SPINK5: variants seen among roughly 807,000 people sequenced by gnomAD.
SPINK5 encodes serine protease inhibitor Kazal-type 5.
Under a neutral mutation model 151.8 loss-of-function variants are expected in SPINK5, and 125 were observed. That is an observed-to-expected ratio of 0.82 (90% CI 0.71 to 0.96). The LOEUF (loss-of-function observed/expected upper bound fraction) is 0.96, where lower values mean the gene tolerates loss of function less well. Among genes scored for constraint, SPINK5 ranks in the 40% least tolerant of loss-of-function variants. The probability of loss-of-function intolerance (pLI) is 0.00; values close to 1 mark genes in which losing one functional copy is unlikely to be tolerated. For synonymous variants in SPINK5, 374 were observed against 395.3 expected (o/e 0.95, Z 0.64); for missense variants, 1,194 against 1,291.9 (o/e 0.92, Z 1.16).
chr5:148,104,853 G>T, intron 15 of SPINK5, 99 bp from the exon 16 acceptor site: 1 of 1,110,298 alleles, frequency 9.0e-7, no homozygotes, highest in Non-Finnish European at 1.3e-6. Context: ...CCGAGATCGC[G>T]CCACTGCACT....
intron 7 of SPINK5, chr5:148,090,920 C>G (rs2113074652): frequency 3.8e-6 from 2 of 520,452 alleles, no homozygotes; most frequent in Middle Eastern, 5.2e-4. Context: ...CCCTTTCTTA[C>G]TATAGGCAAG....
chr5:148,118,504 C>T lies in SPINK5; in HGVS notation c.2180C>T (p.Pro727Leu). ...GRLSCTRESD[P>L]VRDADGKSYN... ...CTCAGCTGTACTCGGGAGAGTGATC[C>T]TGTACGTGATGCTGATGGCAAATCG... Residue 727 changes from proline to leucine, a missense_variant, in exon 23 of 33, where the codon CCT becomes CTT. Physicochemically the swap from Pro to Leu is moderately conservative, Grantham distance 98 (BLOSUM62 -3). Coordinates refer to ENST00000256084, the MANE Select transcript of SPINK5 (RefSeq NM_006846.4). The T allele has an allele frequency of 6.2e-7, 1 of 1,614,110 alleles. No individual in the cohort carries two copies. Among genetic ancestry groups the T allele is most frequent in the African/African-American group, 1.3e-5 (1 of 75,034 alleles).
intron 30 of SPINK5, among the ~76,000 whole-genome samples, chr5:148,127,791 G>A (rs75649366): frequency 0.031 from 4,683 of 152,200 alleles, 230 homozygotes; most frequent in African/African-American, 0.1. Flanking sequence ...CCAGGTGGTC[G>A]AGGCTACCAT....
chr5:148,090,242 C>G (rs1753273852), intron 7 of SPINK5, among the ~76,000 whole-genome samples: 1 of 151,806 alleles, frequency 6.6e-6, no homozygotes, highest in African/African-American at 2.4e-5. Context: ...TGCCAGCAAA[C>G]CTTAAATTGC....
At chr5:148,098,950 T>G (rs1753554106) in intron 11 of SPINK5, among the ~76,000 whole-genome samples, 1 of 152,100 alleles carries the variant, frequency 6.6e-6, no homozygotes, top group Non-Finnish European at 1.5e-5. Context: ...TGAACATTGA[T>G]CATGCTCCTT....
chr5:148,098,054 A>G, intron 11 of SPINK5, 60 bp downstream of exon 11: 1 of 1,522,612 alleles, frequency 6.6e-7, no homozygotes, highest in Non-Finnish European at 9.1e-7. Flanking sequence ...ATTTAATAGA[A>G]ACAGCTTCTT....
chr5:148,090,255 T>C (rs1171080999), intron 7 of SPINK5, among the ~76,000 whole-genome samples: 2 of 151,890 alleles, frequency 1.3e-5, no homozygotes, highest in African/African-American at 4.8e-5. Flanking sequence ...TAAATTGCTA[T>C]ATTTACATCA....
chr5:148,133,858 G>T lies in SPINK5; in HGVS notation c.3157G>T (p.Gly1053Ter). 1 of 1,614,016 alleles carries T rather than the reference G, an allele frequency of 6.2e-7. No individual in the cohort carries two copies. The highest frequency in any genetic ancestry group is 8.5e-7 in the Non-Finnish European group (1 of 1,179,932). The change falls in exon 32 of 33, where the codon GGA becomes TGA. Residue 1053 changes from glycine to a stop codon, truncating the protein, a stop_gained. Coordinates refer to ENST00000256084, the MANE Select transcript of SPINK5 (RefSeq NM_006846.4). LOFTEE classifies it low-confidence loss of function (END_TRUNC). The part of the protein sequence containing the change: ...TGKCEESSTP[G>*]TTAASMPPSD... ...GAAGTGTGAGGAGAGCAGCACCCCA[G>T]GAACCACCGCAGCCAGCATGCCCCC...
intron 6 of SPINK5, chr5:148,089,284 G>A (rs1230291252): frequency 3.0e-6 from 2 of 657,732 alleles, no homozygotes; most frequent in Admixed American, 4.2e-5. Flanking sequence ...TAGGTTATCT[G>A]TTTACTAAAT....
intron 4 of SPINK5, among the ~76,000 whole-genome samples, chr5:148,076,723 T>C (rs1011206000): frequency 6.6e-6 from 1 of 151,532 alleles, no homozygotes; most frequent in Non-Finnish European, 1.5e-5. Context: ...GAAAGTATAA[T>C]AACAATGAAT....
At chr5:148,087,888 T>C (rs1227678760) in intron 5 of SPINK5, among the ~76,000 whole-genome samples, 3 of 151,780 alleles carry the variant, frequency 2.0e-5, no homozygotes, top group Non-Finnish European at 4.4e-5. Flanking sequence ...CTGATATCCT[T>C]TGAAATAACT....
chr5:148,134,771 TAAAC>T (rs1346642395), intron 32 of SPINK5, among the ~76,000 whole-genome samples: 1 of 152,076 alleles, frequency 6.6e-6, no homozygotes, highest in East Asian at 1.9e-4. Context: ...TTATGTGTAA[TAAAC>T]AATATTTTAA....
At chr5:148,136,950 T>A in intron 32 of SPINK5, 33 bp from the exon 33 acceptor site, 1 of 1,613,538 alleles carries the variant, frequency 6.2e-7, no homozygotes, top group South Asian at 1.1e-5. Flanking sequence ...ATCTCTGGGT[T>A]CTAGCATCTA....
At chr5:148,119,172 G>T in intron 24 of SPINK5, 114 bp downstream of exon 24, 1 of 1,014,844 alleles carries the variant, frequency 9.9e-7, no homozygotes, top group Non-Finnish European at 1.5e-6. Context: ...CCCTTAGAAG[G>T]TCAGGAGTTA....
intron 10 of SPINK5, among the ~76,000 whole-genome samples, chr5:148,097,110 C>CCTCT (rs34406219): frequency 0.46 from 69,212 of 149,584 alleles, 16,707 homozygotes; most frequent in Admixed American, 0.59. Flanking sequence ...TCTTTTCCTC[C>CCTCT]CTCTCTTTCT....
intron 26 of SPINK5, among the ~76,000 whole-genome samples, chr5:148,123,441 C>CTATATA (rs1416361269): frequency 0.059 from 3,878 of 65,362 alleles, 210 homozygotes; most frequent in African/African-American, 0.14. Context: ...TATTATCTAT[C>CTATATA]TATCTATATA....
At chr5:148,065,425 A>C (rs1410499565) in intron 2 of SPINK5, 53 bp downstream of exon 2, 1 of 1,600,908 alleles carries the variant, frequency 6.2e-7, no homozygotes, top group African/African-American at 1.3e-5. Flanking sequence ...CCCAAAGAAA[A>C]GTGGTTTGTG....
intron 16 of SPINK5, among the ~76,000 whole-genome samples, 160 bp downstream of exon 16, chr5:148,105,160 G>A (rs1288976769): frequency 1.3e-5 from 2 of 152,164 alleles, no homozygotes; most frequent in African/African-American, 2.4e-5. Context: ...GATAAGAAGT[G>A]TCCAGAGTAC....
At chr5:148,100,039 C>G (rs185588711) in intron 12 of SPINK5, among the ~76,000 whole-genome samples, 83 of 152,148 alleles carry the variant, frequency 5.5e-4, no homozygotes, top group Middle Eastern at 6.8e-3. Context: ...TTTCATAAAC[C>G]TGTGTGCGTA....
Sources: gnomAD v4.1 joint callset for allele counts (sites outside exome capture counted in the v4.1 genomes callset) on GRCh38, gnomAD v4.1.1 for gene constraint, MANE v1.5 for transcripts, NCBI Gene and HGNC (gene_info 2026-07-23, HGNC 2026-07-21) for gene names.